WFS1: variants seen among roughly 807,000 people sequenced by gnomAD.
WFS1 encodes wolframin ER transmembrane glycoprotein.
In WFS1, 90 loss-of-function variants were observed where a neutral mutation model predicts 68.5. The observed-to-expected ratio is 1.31, with a 90% CI of 1.11 to 1.56. The LOEUF is 1.56. Among genes scored for constraint, WFS1 ranks in the 40% most tolerant of loss-of-function variants. The pLI is 0.00. For missense variants in WFS1, 1,767 were observed against 1,232.6 expected (o/e 1.43, Z -6.49); for synonymous variants, 860 against 540.7 (o/e 1.59, Z -8.19).
Position 6,277,692 on chromosome 4 carries a change from G to A in WFS1, c.232+5G>A, listed in dbSNP as rs202025206. On this transcript the variant is annotated splice_donor_5th_base_variant and intron_variant, in intron 2 of 7. Coordinates refer to ENST00000226760, the MANE Select transcript of WFS1 (RefSeq NM_006005.3). ...GGGAAAGAGCAGACGGCACCGGTAAGGGAGCAGGCTGGGAAGCCCAGGCTG... is the reference window on the plus strand; with the variant it reads ...GGGAAAGAGCAGACGGCACCGGTAAAGGAGCAGGCTGGGAAGCCCAGGCTG... The A allele has an allele frequency of 3.7e-5, 57 of 1,555,220 alleles. No individual in the cohort carries two copies. The highest frequency in any genetic ancestry group is 6.1e-6 in the Non-Finnish European group (7 of 1,150,320).
At position 6,300,953 on chromosome 4, in the gene WFS1, C is replaced by T. The variant is rs71524354; in HGVS notation, c.1158C>T (p.Pro386=). Reference sequence around the variant, plus strand: ...CCGACCTGCTGCTGCGCTTCGAGCCCAACCTGGATGTGGAGCAGGCCGAGG... The same window carrying T: ...CCGACCTGCTGCTGCGCTTCGAGCCTAACCTGGATGTGGAGCAGGCCGAGG... ...TLTDLLLRFE[P]NLDVEQAEVN... is the part of the protein sequence containing the mutation. The change falls in exon 8 of 8, where the codon CCC becomes CCT. Residue 386 remains proline, a synonymous_variant. Transcript: ENST00000226760. 4.3e-4 allele frequency: 699 copies of T among 1,614,020 alleles called. 4 individuals are homozygous for T. In the African/African-American group the frequency reaches 8.2e-3, roughly 19 times the overall value.
rs116040858 is a variant in WFS1 at position 6,285,578 on chromosome 4, G to A, written c.233-1515G>A. Among the ~76,000 whole-genome samples, 315 of 152,290 alleles carry A rather than the reference G, an allele frequency of 2.1e-3. 2 individuals carry two copies. The highest frequency in any genetic ancestry group is 7.1e-3 in the African/African-American group (296 of 41,562). ...TGTGAGGGCCTCACCTGCCACCTGCGACTTTTGAGTTGTCCCAGCCTCCCT... is the reference window on the plus strand; with the variant it reads ...TGTGAGGGCCTCACCTGCCACCTGCAACTTTTGAGTTGTCCCAGCCTCCCT... On this transcript the variant is annotated intron_variant, in intron 2 of 7. Transcript: ENST00000226760.
rs150128459 is a variant in WFS1 at position 6,276,712 on chromosome 4, T to G, written c.-5-739T>G. ...GTTTTCTAGGGCTTCCGTAAGAAAC[T>G]ACTGGAAACTTGGTGGCTTAAAACA... On this transcript the variant is annotated intron_variant, in intron 1 of 7. Coordinates refer to ENST00000226760, the MANE Select transcript of WFS1 (RefSeq NM_006005.3). 3.6e-3 allele frequency among the ~76,000 whole-genome samples: 543 copies of G among 152,344 alleles called. 6 individuals are homozygous for G. Among genetic ancestry groups the G allele is most frequent in the African/African-American group, 0.011 (455 of 41,584 alleles).
intron 3 of WFS1, 156 bp from the exon 4 acceptor site, chr4:6,288,831 C>T: frequency 8.7e-7 from 1 of 1,147,684 alleles, no homozygotes; most frequent in African/African-American, 1.5e-5. Context: ...TCAGTAGGGC[C>T]TAGCCTAGTG....
intron 6 of WFS1, among the ~76,000 whole-genome samples, chr4:6,294,461 C>T (rs1428413344): frequency 8.1e-6 from 1 of 124,074 alleles, no homozygotes; most frequent in African/African-American, 2.9e-5. Flanking sequence ...ATGGCAGACA[C>T]TTGTTGGATG....
intron 7 of WFS1, among the ~76,000 whole-genome samples, chr4:6,299,038 C>T (rs1381811246): frequency 6.6e-6 from 1 of 152,358 alleles, no homozygotes; most frequent in Non-Finnish European, 1.5e-5. Flanking sequence ...TTGGTCCAGG[C>T]CCCTGGCACT....
At chr4:6,295,237 TC>T (rs1209073849) in intron 7 of WFS1, 48 bp downstream of exon 7, 5 of 1,607,100 alleles carry the variant, frequency 3.1e-6, no homozygotes. Flanking sequence ...TCCCAAGGAC[TC>T]GCGCACCTCA....
rs4688991 is a variant in WFS1, at chr4:6,300,493, C to G, written c.862-164C>G. Reference sequence around the variant, plus strand: ...GGACCGCGAGCATGGGGAGGGCCACCTGGAGAAGGGGGGAGGGAGGACCAC... The same window carrying G: ...GGACCGCGAGCATGGGGAGGGCCACGTGGAGAAGGGGGGAGGGAGGACCAC... On this transcript the variant is annotated intron_variant, in intron 7 of 7. Coordinates refer to ENST00000226760, the MANE Select transcript of WFS1 (RefSeq NM_006005.3). Among the ~76,000 whole-genome samples the G allele has an allele frequency of 0.59, 89,645 of 151,610 alleles. 27,334 individuals carry two copies. The highest frequency in any genetic ancestry group is 0.93 in the East Asian group (4,785 of 5,126).
chr4:6,288,796 T>G, intron 3 of WFS1, 191 bp from the exon 4 acceptor site: 6 of 787,638 alleles, frequency 7.6e-6, no homozygotes, highest in Non-Finnish European at 1.3e-5. Context: ...CCTCACCGTG[T>G]TTTGAGGAGC....
intron 1 of WFS1, 144 bp from the exon 2 acceptor site, chr4:6,277,306 AC>A: frequency 1.3e-6 from 1 of 785,286 alleles, no homozygotes; most frequent in Non-Finnish European, 2.1e-6. Context: ...GCCCATGGGG[AC>A]TGTACTGAGT....
At chr4:6,288,281 C>T (rs1010906521) in intron 3 of WFS1, among the ~76,000 whole-genome samples, 3 of 152,106 alleles carry the variant, frequency 2.0e-5, no homozygotes, top group Admixed American at 6.5e-5. Context: ...AAGTTCCTCC[C>T]ACATCCTTTT....
intron 7 of WFS1, among the ~76,000 whole-genome samples, chr4:6,296,098 G>A (rs1046275422): frequency 6.6e-6 from 1 of 152,234 alleles, no homozygotes; most frequent in African/African-American, 2.4e-5. Flanking sequence ...TATTCAGATG[G>A]GCGCGTGAGT....
chr4:6,302,192 C>A lies in WFS1; in HGVS notation c.2397C>A (p.Thr799=). 2 of 1,612,256 alleles carry A rather than the reference C, an allele frequency of 1.2e-6. No homozygotes were observed. The highest frequency in any genetic ancestry group is 8.5e-7 in the Non-Finnish European group (1 of 1,179,676). The change falls in exon 8 of 8, where the codon ACC becomes ACA. Residue 799 remains threonine, a synonymous_variant. Coordinates refer to ENST00000226760, the MANE Select transcript of WFS1 (RefSeq NM_006005.3). ...GSRSREEDDV[T]KDIVLRASSE... is the part of the protein sequence containing the mutation. Reference sequence around the variant, plus strand: ...GCAGCCGCGAGGAGGACGACGTCACCAAGGACATCGTGCTGCGGGCCAGCA... The same window carrying A: ...GCAGCCGCGAGGAGGACGACGTCACAAAGGACATCGTGCTGCGGGCCAGCA...
intron 2 of WFS1, among the ~76,000 whole-genome samples, chr4:6,278,349 C>A (rs1730058402): frequency 6.6e-6 from 1 of 152,180 alleles, no homozygotes; most frequent in African/African-American, 2.4e-5. Flanking sequence ...GAGTCCGGCC[C>A]CTGGGCACCT....
At position 6,302,500 on chromosome 4, in the gene WFS1, T is replaced by G. The variant is rs765771922; in HGVS notation, c.*32T>G. On this transcript the variant is annotated 3_prime_UTR_variant, in exon 8 of 8. Coordinates refer to ENST00000226760, the MANE Select transcript of WFS1 (RefSeq NM_006005.3). ...TCCGCCACGAGGAGCTTCCAGTGCA[T>G]GTTGCCATGAGGCCTTTCCCCAGTG... 33 of 1,610,986 alleles carry G rather than the reference T, an allele frequency of 2.0e-5. No homozygotes were observed. Among genetic ancestry groups the G allele is most frequent in the Admixed American group, 1.0e-4 (6 of 60,002 alleles).
intron 6 of WFS1, among the ~76,000 whole-genome samples, chr4:6,292,584 G>C (rs559793600): frequency 6.6e-6 from 1 of 152,100 alleles, no homozygotes. Flanking sequence ...CATCCTCCAC[G>C]TGCAGCTGGC....
chr4:6,278,983 G>T (rs1471625658), intron 2 of WFS1, among the ~76,000 whole-genome samples: 2 of 152,218 alleles, frequency 1.3e-5, no homozygotes, highest in Non-Finnish European at 2.9e-5. Context: ...AAGCAGCTGT[G>T]GTTTGTTTGG....
At chr4:6,278,278 A>T (rs1417806147) in intron 2 of WFS1, among the ~76,000 whole-genome samples, 1 of 152,186 alleles carries the variant, frequency 6.6e-6, no homozygotes, top group African/African-American at 2.4e-5. Flanking sequence ...GTTCACAGGC[A>T]GAGCTGACAG....
rs1452508606 is a variant in WFS1, at chr4:6,301,760, G to T, written c.1965G>T (p.Glu655Asp). The T allele has an allele frequency of 3.7e-6, 6 of 1,613,726 alleles. No homozygotes were observed. Among genetic ancestry groups the T allele is most frequent in the Non-Finnish European group, 5.1e-6 (6 of 1,180,032 alleles). ...GCTGGTTCTATGTGTACCGCTCAGA[G>T]GGCATGAAGGTCTACAACTCCACAC... ...LFCWFYVYRS[E>D]GMKVYNSTLT... is the part of the protein sequence containing the mutation. The change falls in exon 8 of 8, where the codon GAG (glutamate) becomes GAT (aspartate). Residue 655 changes from glutamate (E) to aspartate (D), a missense_variant. Glu to Asp is a conservative substitution (Grantham distance 45, BLOSUM62 2). Transcript: ENST00000226760.
Sources: allele counts gnomAD v4.1 joint callset (sites outside exome capture counted in the v4.1 genomes callset), GRCh38; gene constraint gnomAD v4.1.1; transcripts MANE v1.5; gene names NCBI Gene and HGNC (gene_info 2026-07-23, HGNC 2026-07-21).